COL19A1: variants seen among roughly 807,000 people sequenced by gnomAD.
COL19A1 encodes collagen alpha-1(XIX) chain.
A neutral mutation model predicts 190.2 loss-of-function variants in COL19A1; 159 were observed. The ratio of observed to expected loss-of-function variants is 0.84; its 90% CI spans 0.73 to 0.95. COL19A1 has a LOEUF of 0.95. Ranked by LOEUF, COL19A1 falls within the 40% of genes least tolerant of loss-of-function variation. COL19A1 has a pLI of 0.00. For synonymous variants in COL19A1, 509 were observed against 458.9 expected, an observed-to-expected ratio of 1.11 and a Z score of -1.39; for missense variants, 1,418 against 1,431.9, an observed-to-expected ratio of 0.99 and a Z score of 0.16.
At chr6:69,888,372 G>C (rs974153401) in intron 2 of COL19A1, among the ~76,000 whole-genome samples, 1 of 152,138 alleles carries the variant, frequency 6.6e-6, no homozygotes, top group Non-Finnish European at 1.5e-5. Context: ...TCCTTCCCCA[G>C]AGTCCAATCC....
intron 14 of COL19A1, among the ~76,000 whole-genome samples, chr6:70,053,935 G>C (rs1780354995): frequency 6.6e-6 from 1 of 152,146 alleles, no homozygotes; most frequent in Non-Finnish European, 1.5e-5. Context: ...AAATATTTAA[G>C]GATCCACTCT....
intron 49 of COL19A1, among the ~76,000 whole-genome samples, chr6:70,201,060 T>A (rs949943802): frequency 1.3e-5 from 2 of 152,218 alleles, no homozygotes; most frequent in African/African-American, 4.8e-5. Flanking sequence ...GGGTCTATTC[T>A]GAAGTCAGAG....
In COL19A1 at chr6:69,921,820, G is replaced by GTA. The variant is rs1182489548; in HGVS notation, c.267-6081_267-6080dup. 4.7e-5 allele frequency among the ~76,000 whole-genome samples: 7 copies of GTA among 150,282 alleles called. No homozygotes were observed. In the East Asian group the frequency reaches 1.4e-3, roughly 29 times the overall value. On this transcript the variant is annotated intron_variant, in intron 4 of 50. Coordinates refer to ENST00000620364, the MANE Select transcript of COL19A1 (RefSeq NM_001858.6). ...TATATGTATATTCGTATGTAGATTC[G>GTA]TATATATATTCGTATGTAGATTCGT...
intron 9 of COL19A1, among the ~76,000 whole-genome samples, chr6:69,956,159 G>C (rs990529417): frequency 3.3e-5 from 5 of 151,894 alleles, no homozygotes; most frequent in Middle Eastern, 3.2e-3. Context: ...TAAGAGAGTA[G>C]ATGTTGTTAG....
At chr6:70,140,023 A>G (rs574921411) in intron 19 of COL19A1, among the ~76,000 whole-genome samples, 1 of 152,118 alleles carries the variant, frequency 6.6e-6, no homozygotes, top group Admixed American at 6.6e-5. Context: ...GTGTCATATA[A>G]GCAAAAACAA....
intron 9 of COL19A1, among the ~76,000 whole-genome samples, chr6:69,959,250 A>G (rs1310123710): frequency 6.6e-6 from 1 of 152,182 alleles, no homozygotes; most frequent in East Asian, 1.9e-4. Context: ...GGAAGAACTA[A>G]AAAGTCTTCC....
At chr6:69,886,790 T>C (rs1768975129) in intron 2 of COL19A1, among the ~76,000 whole-genome samples, 1 of 152,220 alleles carries the variant, frequency 6.6e-6, no homozygotes, top group African/African-American at 2.4e-5. Context: ...CTCTTTACTT[T>C]ATATTAAAGT....
chr6:69,973,413 TCC>T (rs1211427057), intron 11 of COL19A1, among the ~76,000 whole-genome samples: 1 of 152,184 alleles, frequency 6.6e-6, no homozygotes. Context: ...AAGCCTGATT[TCC>T]ACTTCAGGTT....
chr6:69,908,210 T>C (rs905423757), intron 4 of COL19A1, among the ~76,000 whole-genome samples: 2 of 152,222 alleles, frequency 1.3e-5, no homozygotes, highest in Admixed American at 6.5e-5. Context: ...TGAAAACTTG[T>C]TCAGAACTCT....
At chr6:70,067,326 A>G (rs1254403820) in intron 14 of COL19A1, among the ~76,000 whole-genome samples, 1 of 152,044 alleles carries the variant, frequency 6.6e-6, no homozygotes, top group Non-Finnish European at 1.5e-5. Flanking sequence ...TTGTAGATAA[A>G]GCCAACAAGA....
intron 34 of COL19A1, among the ~76,000 whole-genome samples, chr6:70,159,510 C>A (rs80346148): frequency 0.015 from 2,222 of 152,168 alleles, 35 homozygotes; most frequent in Middle Eastern, 0.031. Flanking sequence ...CCAATACACA[C>A]AAGATTTGGC....
chr6:70,120,690 C>A (rs566976613), intron 16 of COL19A1, among the ~76,000 whole-genome samples: 1 of 152,140 alleles, frequency 6.6e-6, no homozygotes, highest in African/African-American at 2.4e-5. Context: ...TTGTGAGGCC[C>A]ATTATTTTCT....
chr6:70,128,567 G>C (rs1044672621), intron 17 of COL19A1, among the ~76,000 whole-genome samples: 16 of 152,148 alleles, frequency 1.1e-4, no homozygotes, highest in African/African-American at 3.6e-4. Context: ...GACTGATCGG[G>C]GCCAGTGTCA....
intron 14 of COL19A1, among the ~76,000 whole-genome samples, chr6:70,040,141 A>G (rs78614924): frequency 0.012 from 1,826 of 152,200 alleles, 31 homozygotes; most frequent in African/African-American, 0.042. Flanking sequence ...TTTTTTAATC[A>G]CATAGAACCA....
At chr6:69,959,158 G>A (rs996777796) in intron 9 of COL19A1, among the ~76,000 whole-genome samples, 1 of 152,166 alleles carries the variant, frequency 6.6e-6, no homozygotes, top group Admixed American at 6.6e-5. Flanking sequence ...AACCAGACTT[G>A]TCAAAGAGAT....
intron 11 of COL19A1, among the ~76,000 whole-genome samples, chr6:70,006,439 C>T (rs1777630696): frequency 6.6e-6 from 1 of 152,166 alleles, no homozygotes; most frequent in African/African-American, 2.4e-5. Flanking sequence ...CACCACACTG[C>T]TCTTCCTTCC....
chr6:69,933,726 A>G (rs1290813196), intron 7 of COL19A1, among the ~76,000 whole-genome samples: 1 of 152,086 alleles, frequency 6.6e-6, no homozygotes, highest in Non-Finnish European at 1.5e-5. Context: ...AGGTGTAACT[A>G]TATTTGTTTT....
chr6:69,882,045 A>G (rs1768594248), intron 2 of COL19A1, among the ~76,000 whole-genome samples: 1 of 152,182 alleles, frequency 6.6e-6, no homozygotes, highest in African/African-American at 2.4e-5. Flanking sequence ...ATAAAATATA[A>G]CAAATCTGAG....
intron 11 of COL19A1, among the ~76,000 whole-genome samples, chr6:69,995,635 A>T (rs1468625603): frequency 1.3e-5 from 2 of 152,060 alleles, no homozygotes; most frequent in African/African-American, 4.8e-5. Flanking sequence ...AATTATACAG[A>T]TAATTTTGCA....
Sources: allele counts gnomAD v4.1 joint callset (sites outside exome capture counted in the v4.1 genomes callset), GRCh38; gene constraint gnomAD v4.1.1; transcripts MANE v1.5; gene names NCBI Gene and HGNC (gene_info 2026-07-23, HGNC 2026-07-21).